Variants in MAPK10 observed in about 807,000 individuals in gnomAD.
MAPK10 encodes the protein mitogen-activated protein kinase 10, also known as JNK3 alpha protein kinase.
MAPK10 carries 25 observed loss-of-function variants against 59.3 expected under a neutral mutation model. The observed-to-expected ratio is 0.42, with a 90% confidence interval of 0.31 to 0.59. The LOEUF (loss-of-function observed/expected upper bound fraction) is 0.59, where lower values mean the gene tolerates loss of function less well. MAPK10 is among the 20% of genes least tolerant of loss of function. MAPK10 has a pLI of 0.15. For missense variants in MAPK10, 351 were observed against 568.9 expected, an observed-to-expected ratio of 0.62 and a Z score of 3.90; for synonymous variants, 190 against 200.5, an observed-to-expected ratio of 0.95 and a Z score of 0.44.
At chr4:86,109,792 G>A (rs1462211287) in intron 4 of MAPK10, among the ~76,000 whole-genome samples, 2 of 152,122 alleles carry the variant, frequency 1.3e-5, no homozygotes, top group Non-Finnish European at 2.9e-5. Context: ...CTGGTTCTAG[G>A]TCTTTGAGGA....
chr4:86,410,800 CTTT>C (rs1745058164), intron 1 of MAPK10, among the ~76,000 whole-genome samples: 2 of 151,988 alleles, frequency 1.3e-5, no homozygotes, highest in East Asian at 1.9e-4. Flanking sequence ...CTCTTTTCTT[CTTT>C]ATTAGTCTTG....
intron 3 of MAPK10, among the ~76,000 whole-genome samples, chr4:86,167,072 C>T (rs1034859391): frequency 2.0e-5 from 3 of 152,142 alleles, no homozygotes; most frequent in African/African-American, 4.8e-5. Flanking sequence ...ATACAAACTA[C>T]CATCAGAGAA....
At chr4:86,358,892 A>C (rs1054321991) in intron 1 of MAPK10, 1 of 152,046 alleles carries the variant, frequency 6.6e-6, no homozygotes, top group African/African-American at 2.4e-5. Context: ...TTGCCATGAA[A>C]AAAAGAAAGC....
At chr4:86,319,108 T>C (rs2148887828) in intron 2 of MAPK10, among the ~76,000 whole-genome samples, 1 of 152,264 alleles carries the variant, frequency 6.6e-6, no homozygotes, top group South Asian at 2.1e-4. Context: ...AATACATCAC[T>C]TCCACTGAAA....
chr4:86,036,606 C>T lies in MAPK10; in HGVS notation c.1111-5175G>A, dbSNP rs1331044782. Among the ~76,000 whole-genome samples the T allele has an allele frequency of 5.3e-5, 8 of 152,180 alleles. No individual in the cohort carries two copies. The East Asian group carries it at 1.4e-3, about 26-fold the overall frequency. Reference sequence around the variant, plus strand: ...GTCATATAGCTAATTAATGATGAAACTTTTATTAAAACCCAATTTAAAGAG... The same window carrying T: ...GTCATATAGCTAATTAATGATGAAATTTTTATTAAAACCCAATTTAAAGAG... On this transcript the variant is annotated intron_variant, in intron 11 of 13. Coordinates refer to ENST00000641462, the MANE Select transcript of MAPK10 (RefSeq NM_138982.4).
intron 2 of MAPK10, chr4:86,220,049 G>C (rs1313722348): frequency 1.3e-5 from 2 of 152,200 alleles, no homozygotes; most frequent in Non-Finnish European, 2.9e-5. Flanking sequence ...ATTTAAGTAA[G>C]TTATGATACA....
intron 9 of MAPK10, among the ~76,000 whole-genome samples, chr4:86,095,909 A>G (rs1420022948): frequency 6.6e-6 from 1 of 151,882 alleles, no homozygotes; most frequent in East Asian, 1.9e-4. Context: ...ATTTTCAAAA[A>G]GGAAACATTT....
chr4:86,494,691 A>G (rs1262703458), intron 1 of MAPK10, among the ~76,000 whole-genome samples: 1 of 151,594 alleles, frequency 6.6e-6, no homozygotes, highest in East Asian at 1.9e-4. Context: ...AAAATACAAA[A>G]AACTAGCTGG....
intron 1 of MAPK10, among the ~76,000 whole-genome samples, chr4:86,550,104 G>C (rs1407172889): frequency 1.3e-5 from 2 of 152,000 alleles, no homozygotes; most frequent in African/African-American, 4.8e-5. Flanking sequence ...TTTATACTAA[G>C]AGACATCTTT....
chr4:86,258,611 C>T (rs1282584521), intron 2 of MAPK10, among the ~76,000 whole-genome samples: 2 of 152,148 alleles, frequency 1.3e-5, no homozygotes, highest in Non-Finnish European at 2.9e-5. Context: ...ATGCAATCTG[C>T]CCTTTATCCC....
intron 9 of MAPK10, among the ~76,000 whole-genome samples, chr4:86,092,149 T>G (rs1044256768): frequency 1.3e-5 from 2 of 152,136 alleles, no homozygotes; most frequent in African/African-American, 4.8e-5. Context: ...ATAAAAATAA[T>G]GCAGAGATGT....
intron 1 of MAPK10, among the ~76,000 whole-genome samples, chr4:86,508,122 C>T (rs1755944521): frequency 6.6e-6 from 1 of 151,998 alleles, no homozygotes; most frequent in African/African-American, 2.4e-5. Flanking sequence ...ATGTGTATTC[C>T]CATTGTATTC....
At chr4:86,360,260 G>A (rs542983377), upstream of MAPK10, 1,369 of 959,620 alleles carry the variant, frequency 1.4e-3, 1 homozygote, top group Non-Finnish European at 1.6e-3. Flanking sequence ...AAGGTTCGTC[G>A]GCAGCCAACA....
chr4:86,346,985 T>C (rs2148952624), intron 2 of MAPK10, among the ~76,000 whole-genome samples: 1 of 152,266 alleles, frequency 6.6e-6, no homozygotes, highest in African/African-American at 2.4e-5. Context: ...CAAAGTAGAA[T>C]TGCATTCATT....
chr4:86,182,570 G>A (rs1262530095), intron 3 of MAPK10, among the ~76,000 whole-genome samples: 1 of 152,008 alleles, frequency 6.6e-6, no homozygotes, highest in South Asian at 2.1e-4. Context: ...AGCACATAAA[G>A]GATCTGTGAG....
chr4:86,280,773 A>G (rs1246137610), intron 2 of MAPK10, among the ~76,000 whole-genome samples: 3 of 152,166 alleles, frequency 2.0e-5, no homozygotes, highest in African/African-American at 7.2e-5. Flanking sequence ...TAAAAAAAAG[A>G]ACAAAATCGT....
At chr4:86,188,835 T>A (rs916551763) in intron 3 of MAPK10, among the ~76,000 whole-genome samples, 1 of 152,206 alleles carries the variant, frequency 6.6e-6, no homozygotes, top group Non-Finnish European at 1.5e-5. Context: ...ATGTCCTGAA[T>A]GATATTACCT....
intron 1 of MAPK10, among the ~76,000 whole-genome samples, chr4:86,462,630 A>C (rs1368093841): frequency 6.6e-6 from 1 of 152,188 alleles, no homozygotes; most frequent in Non-Finnish European, 1.5e-5. Context: ...AAAGCCCTTG[A>C]AGTATATCAA....
intron 11 of MAPK10, among the ~76,000 whole-genome samples, chr4:86,058,890 TC>T (rs1278028047): frequency 6.6e-6 from 1 of 152,112 alleles, no homozygotes; most frequent in African/African-American, 2.4e-5. Flanking sequence ...TTCCCTTCTC[TC>T]TTTCTTCTGA....
Sources: gnomAD v4.1 joint callset for allele counts (sites outside exome capture counted in the v4.1 genomes callset) on GRCh38, gnomAD v4.1.1 for gene constraint, MANE v1.5 for transcripts, NCBI Gene and HGNC (gene_info 2026-07-23, HGNC 2026-07-21) for gene names.